Variants in HEATR5A observed in about 807,000 individuals in gnomAD.
The protein encoded by HEATR5A is HEAT repeat containing 5A, also known as HEAT repeat-containing protein 5A.
Under a neutral mutation model 218.8 loss-of-function variants are expected in HEATR5A, and 178 were observed. The observed-to-expected ratio is 0.81, with a 90% CI of 0.72 to 0.92. The LOEUF (loss-of-function observed/expected upper bound fraction) is 0.92, where lower values mean the gene tolerates loss of function less well. Among genes scored for constraint, HEATR5A ranks in the 40% least tolerant of loss-of-function variants. The pLI, the probability that HEATR5A is intolerant of heterozygous loss-of-function variation, is 0.00. For synonymous variants in HEATR5A, 864 were observed against 871.6 expected (o/e 0.99, Z 0.15); for missense variants, 2,420 against 2,418.9 (o/e 1.00, Z -0.01).
At position 31,364,278 on chromosome 14, in the gene HEATR5A, A is replaced by G; in HGVS notation, c.1982T>C (p.Met661Thr). The G allele has an allele frequency of 1.3e-6, 2 of 1,529,898 alleles. No individual in the cohort carries two copies. The highest frequency in any genetic ancestry group is 1.8e-6 in the Non-Finnish European group (2 of 1,128,660). 94.8% of individuals were successfully genotyped at this position (1,529,898 alleles called of 1,614,324 possible). The change falls in exon 14 of 36, where the codon ATG becomes ACG. Residue 661 changes from methionine (M) to threonine (T), a missense_variant. Physicochemically the swap from Met to Thr is moderately conservative, Grantham distance 81. Coordinates refer to ENST00000543095, the MANE Select transcript of HEATR5A (RefSeq NM_015473.4). ...LLTQLSSILK[M>T]YGSPLKTPSV... ...CGGTGTTTTCAAAGGACTTCCATAC[A>G]TTTTTAGTATTGAAGAAAGCCTTAA... is the stretch of plus-strand genomic sequence containing the variant.
chr14:31,319,891 C>T (rs949010074), intron 25 of HEATR5A, among the ~76,000 whole-genome samples: 13 of 152,090 alleles, frequency 8.5e-5, no homozygotes, highest in South Asian at 2.1e-4. Context: ...CAAAAAAACA[C>T]AAAAATTAGC....
Position 31,402,869 on chromosome 14 carries a change from A to C in HEATR5A, c.107T>G (p.Leu36Arg), listed in dbSNP as rs1327157591. 1.6e-5 allele frequency: 25 copies of C among 1,536,410 alleles called. No individual in the cohort carries two copies. Among genetic ancestry groups the C allele is most frequent in the Non-Finnish European group, 2.2e-5 (25 of 1,146,956 alleles). ...IFEWLRYLEK[L>R]LLATSRNDVR... ...ACCCACCCTGCTGGTTGCCAACAAGAGCTTCTCCAAGTATCTCAACCACTC... is the reference window on the plus strand; with the variant it reads ...ACCCACCCTGCTGGTTGCCAACAAGCGCTTCTCCAAGTATCTCAACCACTC... The change falls in exon 2 of 36, where the codon CTC (leucine) becomes CGC (arginine). Residue 36 changes from leucine (L) to arginine (R), a missense_variant. Transcript: ENST00000543095.
intron 1 of HEATR5A, among the ~76,000 whole-genome samples, chr14:31,418,642 T>C (rs1327574978): frequency 6.6e-6 from 1 of 152,210 alleles, no homozygotes; most frequent in Admixed American, 6.5e-5. Flanking sequence ...CAATGTCTCC[T>C]GAAAAAGCAG....
intron 32 of HEATR5A, among the ~76,000 whole-genome samples, chr14:31,304,525 C>A (rs1024401573): frequency 2.0e-5 from 3 of 152,106 alleles, no homozygotes; most frequent in African/African-American, 7.2e-5. Context: ...TCAAGCGATT[C>A]TCCTGCCTTA....
intron 5 of HEATR5A, 78 bp from the exon 6 acceptor site, chr14:31,394,304 C>A: frequency 1.4e-6 from 1 of 732,028 alleles, no homozygotes; most frequent in South Asian, 2.8e-5. Context: ...GTTGCAGAAA[C>A]TATCAGCGTC....
Position 31,293,274 on chromosome 14 carries a change from T to C in HEATR5A, c.*31A>G, listed in dbSNP as rs1480777504. On this transcript the variant is annotated 3_prime_UTR_variant, in exon 36 of 36. Coordinates refer to ENST00000543095, the MANE Select transcript of HEATR5A (RefSeq NM_015473.4). ...AAAGGCAATGATCAAGTATTTATTATATTAAGGTGCTTACTATTCCAAAAA... is the reference window on the plus strand; with the variant it reads ...AAAGGCAATGATCAAGTATTTATTACATTAAGGTGCTTACTATTCCAAAAA... The C allele has an allele frequency of 3.3e-6, 5 of 1,508,972 alleles. No individual in the cohort carries two copies. Among genetic ancestry groups the C allele is most frequent in the Non-Finnish European group, 4.5e-6 (5 of 1,116,290 alleles). The allele number at this position is 1,508,972 out of a possible 1,614,324, so 93.5% of individuals were successfully genotyped here.
At position 31,345,222 on chromosome 14, in the gene HEATR5A, A is replaced by G. The variant is rs757019422; in HGVS notation, c.2923T>C (p.Tyr975His). 2 of 1,613,562 alleles carry G rather than the reference A, an allele frequency of 1.2e-6. No homozygotes were observed. Among genetic ancestry groups the G allele is most frequent in the Non-Finnish European group, 1.7e-6 (2 of 1,179,570 alleles). The change falls in exon 20 of 36, where the codon TAT becomes CAT. Residue 975 changes from tyrosine (Y) to histidine (H), a missense_variant. Transcript: ENST00000543095. ...GAAAGGGTAGGTTCCACATGCACAT[A>G]ATAGAGTGGGCCAGCAGAATCAATG... The part of the protein sequence containing the change: ...LIIDSAGPLY[Y>H]VHVEPTLSLI...
intron 23 of HEATR5A, among the ~76,000 whole-genome samples, chr14:31,324,220 C>T (rs187403869): frequency 1.3e-5 from 2 of 151,048 alleles, no homozygotes; most frequent in African/African-American, 2.5e-5. Flanking sequence ...AACACTGGAG[C>T]CTTGCATGGA....
intron 18 of HEATR5A, among the ~76,000 whole-genome samples, chr14:31,349,478 T>C (rs1901139740): frequency 6.6e-6 from 1 of 152,220 alleles, no homozygotes; most frequent in African/African-American, 2.4e-5. Context: ...ACTTATCATA[T>C]ATGTTTTACA....
intron 1 of HEATR5A, among the ~76,000 whole-genome samples, chr14:31,404,737 G>A (rs1431650673): frequency 6.6e-6 from 1 of 151,746 alleles, no homozygotes; most frequent in African/African-American, 2.4e-5. Flanking sequence ...AACATAGACG[G>A]ACTTTGTCTC....
In HEATR5A at chr14:31,293,344, TCCAGGAC is replaced by T; in HGVS notation, c.6095_6101del (p.Ser2032LysfsTer8). 1 of 1,601,274 alleles carries T rather than the reference TCCAGGAC, an allele frequency of 6.2e-7. No homozygotes were observed. Among genetic ancestry groups the T allele is most frequent in the Admixed American group, 1.8e-5 (1 of 56,644 alleles). On this transcript the variant is annotated frameshift_variant, in exon 36 of 36. Coordinates refer to ENST00000543095, the MANE Select transcript of HEATR5A (RefSeq NM_015473.4). LOFTEE classifies it high-confidence loss of function. The stretch of plus-strand genomic sequence containing the variant: ...TCTTTAATTGGATGCTTGAGTTTTT[TCCAGGAC>T]TCTTAGTATATTTAGATGTTGGTAT...
At chr14:31,324,874 A>C (rs1332745751) in intron 23 of HEATR5A, among the ~76,000 whole-genome samples, 1 of 152,212 alleles carries the variant, frequency 6.6e-6, no homozygotes, top group African/African-American at 2.4e-5. Flanking sequence ...AGCCAGTGTA[A>C]ACCATTGGAA....
intron 16 of HEATR5A, among the ~76,000 whole-genome samples, chr14:31,354,453 T>C (rs1901348557): frequency 6.6e-6 from 1 of 152,162 alleles, no homozygotes; most frequent in African/African-American, 2.4e-5. Context: ...CTGAAAGAGA[T>C]TGAATACACT....
At chr14:31,377,730 G>A (rs1453829557) in intron 11 of HEATR5A, among the ~76,000 whole-genome samples, 3 of 152,060 alleles carry the variant, frequency 2.0e-5, no homozygotes, top group African/African-American at 7.3e-5. Context: ...AGTGAATCAT[G>A]ATCGTACCAC....
intron 21 of HEATR5A, among the ~76,000 whole-genome samples, chr14:31,341,339 AT>A (rs1900833403): frequency 6.6e-6 from 1 of 151,924 alleles, no homozygotes; most frequent in South Asian, 2.1e-4. Flanking sequence ...CCTGCAGTAA[AT>A]ATGTACCCTT....
At chr14:31,302,019 G>A (rs558307292) in intron 33 of HEATR5A, among the ~76,000 whole-genome samples, 68 of 151,464 alleles carry the variant, frequency 4.5e-4, no homozygotes, top group African/African-American at 1.6e-3. Context: ...TTTTAGTAGA[G>A]ATGGGGTTTC....
Position 31,296,050 on chromosome 14 carries a change from G to A in HEATR5A, c.5478C>T (p.His1826=). 6.2e-7 allele frequency: 1 copy of A among 1,613,202 alleles called. No homozygotes were observed. The highest frequency in any genetic ancestry group is 8.5e-7 in the Non-Finnish European group (1 of 1,179,356). Residue 1826 remains histidine (H), a synonymous_variant, in exon 34 of 36, where the codon CAC becomes CAT. Coordinates refer to ENST00000543095, the MANE Select transcript of HEATR5A (RefSeq NM_015473.4). ...LDCWDPVDET[H]QELDEVSLLT... Reference sequence around the variant, plus strand: ...GTAGACTGACTTCATCAAGTTCTTGGTGTGTTTCATCAACTAAAGAGAAAT... The same window carrying A: ...GTAGACTGACTTCATCAAGTTCTTGATGTGTTTCATCAACTAAAGAGAAAT...
intron 22 of HEATR5A, among the ~76,000 whole-genome samples, chr14:31,336,848 GTGT>G (rs1900688294): frequency 6.6e-6 from 1 of 152,156 alleles, no homozygotes; most frequent in South Asian, 2.1e-4. Context: ...TCTGAAGAAT[GTGT>G]TGTTAGGCAA....
At chr14:31,415,012 G>T (rs1434473535) in intron 1 of HEATR5A, among the ~76,000 whole-genome samples, 1 of 152,070 alleles carries the variant, frequency 6.6e-6, no homozygotes, top group Non-Finnish European at 1.5e-5. Context: ...GCTAATTTTT[G>T]TATCTTTAGT....
Sources: allele counts gnomAD v4.1 joint callset (sites outside exome capture counted in the v4.1 genomes callset), GRCh38; gene constraint gnomAD v4.1.1; transcripts MANE v1.5; gene names NCBI Gene and HGNC (gene_info 2026-07-23, HGNC 2026-07-21).